The following UPP1 variants were observed in gnomAD, a reference collection of about 807,000 sequenced individuals.
UPP1 encodes uridine phosphorylase 1, also known as UPase 1.
UPP1 carries 25 observed loss-of-function variants against 29.6 expected under a neutral mutation model. The observed-to-expected ratio is 0.85, with a 90% confidence interval of 0.62 to 1.18. UPP1 has a LOEUF of 1.18. Among genes scored for constraint, UPP1 ranks in the 50% most tolerant of loss-of-function variants. The probability of loss-of-function intolerance (pLI) is 0.00; values close to 1 mark genes in which losing one functional copy is unlikely to be tolerated. For missense variants in UPP1, 368 were observed against 410.4 expected, an observed-to-expected ratio of 0.90 and a Z score of 0.89; for synonymous variants, 165 against 159.8, an observed-to-expected ratio of 1.03 and a Z score of -0.25.
chr7:48,103,906 A>ATT, intron 6 of UPP1: 6 of 1,152,764 alleles, frequency 5.2e-6, no homozygotes, highest in South Asian at 2.9e-5. Context: ...CAACAGGGAC[A>ATT]TTTTTTTTTT....
At chr7:48,090,668 CG>C (rs1449910465) in intron 2 of UPP1, among the ~76,000 whole-genome samples, 1 of 152,198 alleles carries the variant, frequency 6.6e-6, no homozygotes, top group Non-Finnish European at 1.5e-5. Context: ...TTTCTACAAG[CG>C]CTGCTGAGCC....
At chr7:48,107,896 A>T (rs1792853742) in intron 8 of UPP1, among the ~76,000 whole-genome samples, 1 of 152,036 alleles carries the variant, frequency 6.6e-6, no homozygotes, top group South Asian at 2.1e-4. Flanking sequence ...TTCCCTTATC[A>T]CCTCGGCCAA....
At chr7:48,091,557 T>TAC (rs1277222521) in intron 2 of UPP1, among the ~76,000 whole-genome samples, 1 of 152,220 alleles carries the variant, frequency 6.6e-6, no homozygotes. Flanking sequence ...AACATTGTGG[T>TAC]ACAATGTTAG....
At chr7:48,107,227 G>A (rs1013881689) in intron 7 of UPP1, 134 bp from the exon 8 acceptor site, 285 of 1,397,694 alleles carry the variant, frequency 2.0e-4, no homozygotes, top group Admixed American at 1.4e-3. Flanking sequence ...ATAATGACCC[G>A]TTTGAGTGGT....
At chr7:48,094,230 G>A (rs866447287) in intron 2 of UPP1, among the ~76,000 whole-genome samples, 3 of 151,784 alleles carry the variant, frequency 2.0e-5, no homozygotes, top group African/African-American at 7.3e-5. Flanking sequence ...CTGGGAAATT[G>A]GGAATAAGGG....
At chr7:48,099,626 G>A (rs1469225269) in intron 3 of UPP1, 44 bp from the exon 4 acceptor site, 1 of 1,350,642 alleles carries the variant, frequency 7.4e-7, no homozygotes, top group East Asian at 2.3e-5. Flanking sequence ...CGGCTGTCGG[G>A]CACTGATGTT....
intron 3 of UPP1, among the ~76,000 whole-genome samples, chr7:48,097,037 A>G (rs1478389510): frequency 6.6e-6 from 1 of 152,204 alleles, no homozygotes; most frequent in East Asian, 1.9e-4. Context: ...TTTACATGGT[A>G]GATGCTCAAT....
chr7:48,098,343 G>A (rs936425752), intron 3 of UPP1, among the ~76,000 whole-genome samples: 3 of 152,152 alleles, frequency 2.0e-5, no homozygotes, highest in African/African-American at 7.2e-5. Flanking sequence ...GTTGATGAGT[G>A]CCAGATAGAA....
chr7:48,108,324 CT>C lies in UPP1; in HGVS notation c.901del (p.Tyr301ThrfsTer7). The C allele has an allele frequency of 6.2e-7, 1 of 1,614,120 alleles. No homozygotes were observed. On this transcript the variant is annotated frameshift_variant, in exon 9 of 9. Transcript: ENST00000395564. LOFTEE classifies it high-confidence loss of function. Reference sequence around the variant, plus strand: ...AGCAGAGGCCGCAGCGGCTGGTGAGCTACTTCATCAAGAAGAAACTGAGCAA... The same window carrying C: ...AGCAGAGGCCGCAGCGGCTGGTGAGCACTTCATCAAGAAGAAACTGAGCAA... ...YQQRPQRLVS[Y>X]FIKKKLSKA
At chr7:48,103,764 T>G (rs1251217319) in intron 6 of UPP1, 2 of 1,291,796 alleles carry the variant, frequency 1.5e-6, no homozygotes, top group Non-Finnish European at 2.0e-6. Context: ...TTACTTTTCC[T>G]CCTCCCTAAT....
intron 6 of UPP1, among the ~76,000 whole-genome samples, chr7:48,104,245 A>G (rs1792603769): frequency 6.6e-6 from 1 of 152,120 alleles, no homozygotes; most frequent in Admixed American, 6.5e-5. Flanking sequence ...CAAACAAACA[A>G]AAACCCCCAC....
At chr7:48,104,557 A>G (rs1309063865) in intron 6 of UPP1, 3 of 152,210 alleles carry the variant, frequency 2.0e-5, no homozygotes, top group Admixed American at 6.5e-5. Context: ...TCTAGGATTT[A>G]TAGCAATTCT....
At chr7:48,100,501 GT>G (rs1200716093) in intron 4 of UPP1, among the ~76,000 whole-genome samples, 1 of 152,174 alleles carries the variant, frequency 6.6e-6, no homozygotes, top group Admixed American at 6.5e-5. Flanking sequence ...TTGATATTCT[GT>G]TTAGTTAATT....
chr7:48,104,018 G>T, intron 6 of UPP1: 1 of 736,114 alleles, frequency 1.4e-6, no homozygotes, highest in Non-Finnish European at 1.9e-6. Flanking sequence ...GGGAGATCGA[G>T]ACCATCCTGG....
chr7:48,094,739 C>A, intron 2 of UPP1, 24 bp from the exon 3 acceptor site: 2 of 1,612,076 alleles, frequency 1.2e-6, no homozygotes, highest in Non-Finnish European at 1.7e-6. Context: ...GGATTCACTC[C>A]ATTCTGTGAT....
chr7:48,108,215 C>T lies in UPP1; in HGVS notation c.794-3C>T. 6.2e-7 allele frequency: 1 copy of T among 1,611,672 alleles called. No individual in the cohort carries two copies. The highest frequency in any genetic ancestry group is 1.1e-5 in the South Asian group (1 of 90,822). On this transcript the variant is annotated splice_polypyrimidine_tract_variant and splice_region_variant and intron_variant, in intron 8 of 8. Coordinates refer to ENST00000395564, the MANE Select transcript of UPP1 (RefSeq NM_003364.4). ...GCCTTGATGTGGTCTTTGTCCTTTGCAGCGGCCGTGGTGTGTGTCACCCTC... is the reference window on the plus strand; with the variant it reads ...GCCTTGATGTGGTCTTTGTCCTTTGTAGCGGCCGTGGTGTGTGTCACCCTC...
Position 48,101,918 on chromosome 7 carries a change from C to T in UPP1, c.257C>T (p.Pro86Leu), listed in dbSNP as rs754033991. ...CTTGACTGCCCAGGTAGAGACTATC[C>T]CAACATCTGTGCGGGAACTGACCGC... ...LGLDCPGRDY[P>L]NICAGTDRYA... The change falls in exon 5 of 9, where the codon CCC becomes CTC. Residue 86 changes from proline (P) to leucine (L), a missense_variant. Transcript: ENST00000395564. 14 of 1,614,000 alleles carry T rather than the reference C, an allele frequency of 8.7e-6. No individual in the cohort carries two copies. The South Asian group carries it at 1.4e-4, about 16-fold the overall frequency.
chr7:48,106,449 T>C (rs926824992), intron 6 of UPP1: 1 of 189,832 alleles, frequency 5.3e-6, no homozygotes, highest in Non-Finnish European at 1.1e-5. Context: ...TAGCTGGGAT[T>C]ACAGACACCC....
intron 2 of UPP1, among the ~76,000 whole-genome samples, chr7:48,094,157 C>T (rs1247274829): frequency 6.6e-6 from 1 of 151,946 alleles, no homozygotes; most frequent in South Asian, 2.1e-4. Flanking sequence ...GAGACTGTCT[C>T]TATTAAAAAA....
Sources: gnomAD v4.1 joint callset for allele counts (sites outside exome capture counted in the v4.1 genomes callset) on GRCh38, gnomAD v4.1.1 for gene constraint, MANE v1.5 for transcripts, NCBI Gene and HGNC (gene_info 2026-07-23, HGNC 2026-07-21) for gene names.